Variants in RIPOR3 observed in about 807,000 individuals in gnomAD.
RIPOR3 encodes the protein family with sequence similarity 65 member C.
In RIPOR3, 95 loss-of-function variants were observed where a neutral mutation model predicts 114.3. The observed-to-expected ratio is 0.83, with a 90% confidence interval of 0.70 to 0.99. The LOEUF (loss-of-function observed/expected upper bound fraction) is 0.99. RIPOR3 is among the 50% of genes least tolerant of loss of function. RIPOR3 has a pLI of 0.00. For missense variants in RIPOR3, 1,252 were observed against 1,266.9 expected (o/e 0.99, Z 0.18); for synonymous variants, 575 against 543.8 (o/e 1.06, Z -0.80).
intron 1 of RIPOR3, among the ~76,000 whole-genome samples, chr20:50,652,733 T>G (rs576699044): frequency 2.4e-4 from 36 of 151,914 alleles, no homozygotes; most frequent in Admixed American, 6.6e-4. Flanking sequence ...CTCAAATCCC[T>G]GGGGAGATAC....
chr20:50,592,631 A>G (rs2083150955), intron 18 of RIPOR3, 85 bp from the exon 19 acceptor site: 1 of 1,241,696 alleles, frequency 8.1e-7, no homozygotes, highest in African/African-American at 1.5e-5. Flanking sequence ...TGCTGCCAGT[A>G]GCCACAGAGG....
At chr20:50,592,572 C>T in intron 18 of RIPOR3, 26 bp from the exon 19 acceptor site, 1 of 1,461,786 alleles carries the variant, frequency 6.8e-7, no homozygotes, top group Non-Finnish European at 9.0e-7. Flanking sequence ...GAGGTGGGCC[C>T]AGGTCCCCTG....
At chr20:50,607,981 G>A (rs539665876) in intron 11 of RIPOR3, among the ~76,000 whole-genome samples, 34 of 152,304 alleles carry the variant, frequency 2.2e-4, no homozygotes, top group Non-Finnish European at 4.6e-4. Context: ...GTCTGCAGCC[G>A]AGAGGGGGAC....
At chr20:50,587,525 G>C (rs2082958902) in intron 21 of RIPOR3, among the ~76,000 whole-genome samples, 193 bp from the exon 22 acceptor site, 1 of 152,160 alleles carries the variant, frequency 6.6e-6, no homozygotes. Context: ...TTACCTCTAG[G>C]ATGTTCCGCT....
intron 17 of RIPOR3, among the ~76,000 whole-genome samples, chr20:50,594,327 T>G (rs2083214113): frequency 1.3e-5 from 2 of 150,434 alleles, no homozygotes; most frequent in Non-Finnish European, 3.0e-5. Context: ...GCACGCAGCT[T>G]CAGGGCTCCA....
rs1341022171 is a variant in RIPOR3 at position 50,592,491 on chromosome 20, C to A, written c.2430G>T (p.Leu810=). Residue 810 remains leucine, a synonymous_variant, in exon 19 of 22, where the codon CTG becomes CTT. Transcript: ENST00000327979. ...CAGQAKVVRK[L]QGKRLGQLQP... ...GGAGCTGGCCCAGCCGCTTCCCCTG[C>A]AGCTTCCGGACCACCTTGGCCTGTC... 6 of 1,610,880 alleles carry A rather than the reference C, an allele frequency of 3.7e-6. No individual in the cohort carries two copies. In the African/African-American group the frequency reaches 8.0e-5, roughly 21 times the overall value.
At chr20:50,609,541 C>CCTG in intron 7 of RIPOR3, 32 bp downstream of exon 7, 3 of 1,430,134 alleles carry the variant, frequency 2.1e-6, no homozygotes, top group Non-Finnish European at 2.7e-6. Flanking sequence ...TCTTGCTGCC[C>CCTG]CTGCTGCCCA....
chr20:50,657,066 G>A (rs565142487), intron 1 of RIPOR3, among the ~76,000 whole-genome samples: 2 of 152,272 alleles, frequency 1.3e-5, no homozygotes, highest in African/African-American at 2.4e-5. Flanking sequence ...AGTTGCTTTC[G>A]AGAAAGATTA....
intron 1 of RIPOR3, among the ~76,000 whole-genome samples, chr20:50,637,911 T>A (rs886409952): frequency 2.0e-5 from 3 of 151,454 alleles, no homozygotes; most frequent in Non-Finnish European, 4.4e-5. Flanking sequence ...ATACATAAAT[T>A]ATTATTATTA....
chr20:50,684,592 G>A (rs2086955831), intron 1 of RIPOR3, among the ~76,000 whole-genome samples: 1 of 152,148 alleles, frequency 6.6e-6, no homozygotes, highest in Non-Finnish European at 1.5e-5. Flanking sequence ...GGACCCTGCT[G>A]GCTGCACACG....
Position 50,609,957 on chromosome 20 carries a change from C to CCCCTGCCT in RIPOR3, c.427-236_427-235insAGGCAGGG, listed in dbSNP as rs1172197319. ...TCTGCCTCACCTGCCTCACCTGCCA[C>CCCCTGCCT]CACTGCCTCACCTGCCACCCCTACC... is the stretch of plus-strand genomic sequence containing the variant. On this transcript the variant is annotated intron_variant, in intron 6 of 21. Coordinates refer to ENST00000327979, the MANE Select transcript of RIPOR3 (RefSeq NM_001290268.2). Among the ~76,000 whole-genome samples, 36 of 147,634 alleles carry CCCCTGCCT rather than the reference C, an allele frequency of 2.4e-4. 3 individuals are homozygous for CCCCTGCCT. Among genetic ancestry groups the CCCCTGCCT allele is most frequent in the East Asian group, 5.9e-4 (3 of 5,094 alleles).
intron 1 of RIPOR3, among the ~76,000 whole-genome samples, chr20:50,632,340 C>A (rs2084845501): frequency 6.6e-6 from 1 of 152,108 alleles, no homozygotes; most frequent in African/African-American, 2.4e-5. Context: ...CTGGAAGGAC[C>A]AAGGAAAGCA....
At chr20:50,679,135 A>AAAAAATATATAT (rs2086773516) in intron 1 of RIPOR3, among the ~76,000 whole-genome samples, 1 of 20,772 alleles carries the variant, frequency 4.8e-5, no homozygotes. Context: ...AAAAAAAAAA[A>AAAAAATATATAT]ATATATATAT....
chr20:50,669,411 C>A (rs940390345), intron 1 of RIPOR3, among the ~76,000 whole-genome samples: 3 of 152,180 alleles, frequency 2.0e-5, no homozygotes, highest in African/African-American at 7.2e-5. Context: ...CTGGGCTTTC[C>A]TCTTTGGCCT....
Position 50,630,730 on chromosome 20 carries a change from G to A in RIPOR3, c.122+8C>T, listed in dbSNP as rs1412014700. On this transcript the variant is annotated splice_region_variant and intron_variant, in intron 2 of 21. Coordinates refer to ENST00000327979, the MANE Select transcript of RIPOR3 (RefSeq NM_001290268.2). ...TGCACCCCGAAACAGGACACGGGGGGAACTTACGCGATCCTCCGGCTCTGT... is the reference window on the plus strand; with the variant it reads ...TGCACCCCGAAACAGGACACGGGGGAAACTTACGCGATCCTCCGGCTCTGT... 1 of 1,599,650 alleles carries A rather than the reference G, an allele frequency of 6.3e-7. No individual in the cohort carries two copies. Among genetic ancestry groups the A allele is most frequent in the South Asian group, 1.1e-5 (1 of 89,110 alleles).
Position 50,602,087 on chromosome 20 carries a change from G to C in RIPOR3, c.1644C>G (p.Phe548Leu). The C allele has an allele frequency of 6.4e-7, 1 of 1,573,364 alleles. No individual in the cohort carries two copies. Among genetic ancestry groups the C allele is most frequent in the Non-Finnish European group, 8.6e-7 (1 of 1,159,956 alleles). ...GTGGCCATACCTTCAGCCGGTCCCG[G>C]AAGCCGAGGACCTGGTACTCCAGCT... Reference protein sequence around the residue: ...LRELEYQVLGFRDRLKPCRAR... With the variant: ...LRELEYQVLGLRDRLKPCRAR... The change falls in exon 13 of 22, where the codon TTC becomes TTG. Residue 548 changes from phenylalanine (F) to leucine (L), a missense_variant. Phe to Leu is a conservative substitution (Grantham distance 22). Coordinates refer to ENST00000327979, the MANE Select transcript of RIPOR3 (RefSeq NM_001290268.2). This position sits in a 1 kb window ranked among gnomAD's most constrained non-coding sequence, Gnocchi z 4.3.
intron 1 of RIPOR3, among the ~76,000 whole-genome samples, chr20:50,672,618 TC>T (rs1294137860): frequency 1.3e-5 from 2 of 152,090 alleles, no homozygotes; most frequent in Non-Finnish European, 2.9e-5. Flanking sequence ...CATGGCTCCG[TC>T]AGTGGCCAGT....
chr20:50,601,611 A>G (rs1191658205), intron 13 of RIPOR3, among the ~76,000 whole-genome samples: 1 of 152,192 alleles, frequency 6.6e-6, no homozygotes, highest in Admixed American at 6.5e-5. Context: ...TCTGAAAGCC[A>G]CCTGCCACCT....
At chr20:50,597,421 G>A (rs2083331213) in intron 14 of RIPOR3, 159 bp downstream of exon 14, 7 of 1,079,366 alleles carry the variant, frequency 6.5e-6, no homozygotes, top group East Asian at 2.6e-5. Context: ...AGTGGGGGAT[G>A]TGCGGGGATG....
Sources: allele counts gnomAD v4.1 joint callset (sites outside exome capture counted in the v4.1 genomes callset), GRCh38; gene constraint gnomAD v4.1.1; non-coding constraint Gnocchi (gnomAD v3.1); transcripts MANE v1.5; gene names NCBI Gene and HGNC (gene_info 2026-07-23, HGNC 2026-07-21).